The following TAFA1 variants were observed in gnomAD, a reference collection of about 807,000 sequenced individuals.
TAFA1 encodes TAFA chemokine like family member 1, also known as chemokine-like protein TAFA-1.
Under a neutral mutation model 18.5 loss-of-function variants are expected in TAFA1, and 4 were observed. The observed-to-expected ratio is 0.22, with a 90% CI of 0.11 to 0.49. The LOEUF (loss-of-function observed/expected upper bound fraction) is 0.49. Ranked by LOEUF, TAFA1 falls within the 20% of genes least tolerant of loss-of-function variation. The probability of loss-of-function intolerance (pLI) is 0.98; values close to 1 mark genes in which losing one functional copy is unlikely to be tolerated. For missense variants in TAFA1, 147 were observed against 169.0 expected (o/e 0.87, Z 0.72); for synonymous variants, 56 against 55.2 (o/e 1.01, Z -0.06).
chr3:68,073,635 T>A (rs1015413843), intron 2 of TAFA1, among the ~76,000 whole-genome samples: 2 of 152,214 alleles, frequency 1.3e-5, no homozygotes, highest in African/African-American at 4.8e-5. Flanking sequence ...GTTTCCATAT[T>A]TAAAAGATAA....
At chr3:68,362,310 G>A (rs1402252713) in intron 2 of TAFA1, among the ~76,000 whole-genome samples, 2 of 152,112 alleles carry the variant, frequency 1.3e-5, no homozygotes, top group Non-Finnish European at 2.9e-5. Context: ...AGTTAAAAGG[G>A]GATGTCATTA....
intron 2 of TAFA1, among the ~76,000 whole-genome samples, chr3:68,013,519 A>G (rs1451294370): frequency 6.6e-6 from 1 of 152,134 alleles, no homozygotes; most frequent in East Asian, 1.9e-4. Flanking sequence ...ATAAGTTTAG[A>G]AAAGACTATA....
intron 2 of TAFA1, among the ~76,000 whole-genome samples, chr3:68,414,774 C>A (rs543768991): frequency 6.6e-6 from 1 of 152,084 alleles, no homozygotes; most frequent in African/African-American, 2.4e-5. Flanking sequence ...GTAACTCAGG[C>A]GATCTGGCTT....
chr3:68,378,984 G>C (rs1025022297), intron 2 of TAFA1, among the ~76,000 whole-genome samples: 3 of 152,016 alleles, frequency 2.0e-5, no homozygotes, highest in East Asian at 1.9e-4. Context: ...ACCCAGTCTC[G>C]GGTATTTCTT....
chr3:68,071,439 G>A (rs935028024), intron 2 of TAFA1, among the ~76,000 whole-genome samples: 3 of 152,118 alleles, frequency 2.0e-5, no homozygotes, highest in African/African-American at 7.2e-5. Context: ...ATTTGGGTGG[G>A]GACACAGCCA....
At chr3:68,210,429 C>CTGG (rs1390850153) in intron 2 of TAFA1, among the ~76,000 whole-genome samples, 6 of 151,962 alleles carry the variant, frequency 3.9e-5, no homozygotes, top group African/African-American at 1.4e-4. Flanking sequence ...TAGGTAAAGT[C>CTGG]TGGTGGGTAT....
intron 2 of TAFA1, among the ~76,000 whole-genome samples, chr3:68,164,091 C>T (rs896202974): frequency 1.3e-5 from 2 of 152,190 alleles, no homozygotes; most frequent in Non-Finnish European, 2.9e-5. Flanking sequence ...ATATGCTAAT[C>T]TCAGGAATGA....
At chr3:68,230,235 C>T (rs894323088) in intron 2 of TAFA1, among the ~76,000 whole-genome samples, 5 of 152,008 alleles carry the variant, frequency 3.3e-5, no homozygotes, top group African/African-American at 4.8e-5. Flanking sequence ...TATTTTTGTA[C>T]CCATAACAAA....
chr3:68,350,064 G>A (rs762340828), intron 2 of TAFA1, among the ~76,000 whole-genome samples: 6 of 152,090 alleles, frequency 3.9e-5, no homozygotes, highest in Non-Finnish European at 7.4e-5. Context: ...AAACTGAACC[G>A]TGCATATGTA....
At chr3:68,125,995 C>T (rs905231045) in intron 2 of TAFA1, among the ~76,000 whole-genome samples, 5 of 152,130 alleles carry the variant, frequency 3.3e-5, no homozygotes, top group Non-Finnish European at 5.9e-5. Flanking sequence ...GAACCCCTGA[C>T]GCCTGCAACA....
intron 2 of TAFA1, among the ~76,000 whole-genome samples, chr3:68,067,902 A>G (rs921391294): frequency 1.3e-5 from 2 of 152,194 alleles, no homozygotes; most frequent in African/African-American, 4.8e-5. Context: ...AATAAGGAAA[A>G]ATACTTACTC....
intron 2 of TAFA1, among the ~76,000 whole-genome samples, chr3:68,161,436 C>T (rs560925673): frequency 1.3e-5 from 2 of 152,276 alleles, no homozygotes; most frequent in Admixed American, 6.5e-5. Context: ...ACCTTGGGCC[C>T]CACCTCGGAC....
chr3:68,387,269 A>G (rs1172279781), intron 2 of TAFA1, among the ~76,000 whole-genome samples: 1 of 152,114 alleles, frequency 6.6e-6, no homozygotes, highest in South Asian at 2.1e-4. Flanking sequence ...GACATTCTCT[A>G]TGCTAGACTC....
At chr3:68,323,020 G>T (rs2068718862) in intron 2 of TAFA1, among the ~76,000 whole-genome samples, 1 of 152,174 alleles carries the variant, frequency 6.6e-6, no homozygotes, top group African/African-American at 2.4e-5. Context: ...AGGAAAATCA[G>T]GACCAGTTGT....
At chr3:68,304,867 G>A (rs770676778) in intron 2 of TAFA1, among the ~76,000 whole-genome samples, 1 of 152,062 alleles carries the variant, frequency 6.6e-6, no homozygotes, top group Non-Finnish European at 1.5e-5. Flanking sequence ...CATTTTTCGT[G>A]TGTGTTTTAG....
At chr3:68,393,531 A>G (rs762040103) in intron 2 of TAFA1, among the ~76,000 whole-genome samples, 1 of 152,174 alleles carries the variant, frequency 6.6e-6, no homozygotes, top group Non-Finnish European at 1.5e-5. Context: ...CATCATCCTG[A>G]TAGAAAAACC....
At chr3:68,385,101 G>A (rs200637466) in intron 2 of TAFA1, among the ~76,000 whole-genome samples, 3 of 151,968 alleles carry the variant, frequency 2.0e-5, no homozygotes, top group Non-Finnish European at 4.4e-5. Flanking sequence ...GGGTAAGATG[G>A]TTGCCCTTTC....
chr3:68,533,799 G>C (rs1250207524), intron 3 of TAFA1, among the ~76,000 whole-genome samples: 1 of 152,058 alleles, frequency 6.6e-6, no homozygotes, highest in Non-Finnish European at 1.5e-5. Flanking sequence ...TATCTGTTTA[G>C]AAACAAAGGA....
intron 2 of TAFA1, among the ~76,000 whole-genome samples, chr3:68,360,141 T>C (rs2069442640): frequency 6.6e-6 from 1 of 151,962 alleles, no homozygotes; most frequent in Non-Finnish European, 1.5e-5. Flanking sequence ...TGATGGCACT[T>C]CAGTTCCATG....
Sources: allele counts gnomAD v4.1 joint callset (sites outside exome capture counted in the v4.1 genomes callset), GRCh38; gene constraint gnomAD v4.1.1; transcripts MANE v1.5; gene names NCBI Gene and HGNC (gene_info 2026-07-23, HGNC 2026-07-21).